Variants in UBIAD1 observed in about 807,000 individuals in gnomAD.
UBIAD1 encodes the protein ubiA prenyltransferase domain-containing protein 1.
A neutral mutation model predicts 20.1 loss-of-function variants in UBIAD1; 12 were observed. The observed-to-expected ratio is 0.60, with a 90% CI of 0.38 to 0.97. UBIAD1 has a LOEUF of 0.97. Among genes scored for constraint, UBIAD1 ranks in the 50% least tolerant of loss-of-function variants. The pLI is 0.00. For synonymous variants in UBIAD1, 207 were observed against 189.2 expected (o/e 1.09, Z -0.77); for missense variants, 333 against 419.5 (o/e 0.79, Z 1.80).
At chr1:11,280,165 T>G (rs904852602) in intron 1 of UBIAD1, among the ~76,000 whole-genome samples, 1 of 152,130 alleles carries the variant, frequency 6.6e-6, no homozygotes, top group Non-Finnish European at 1.5e-5. Context: ...CGGGGTGGAA[T>G]TGGAGTCTGA....
chr1:11,275,595 T>A (rs538314225), intron 1 of UBIAD1, among the ~76,000 whole-genome samples: 9 of 152,050 alleles, frequency 5.9e-5, no homozygotes, highest in African/African-American at 2.2e-4. Context: ...ATAAAAAATA[T>A]TAGCTGGGCA....
At chr1:11,278,463 TA>T (rs1314539048) in intron 1 of UBIAD1, among the ~76,000 whole-genome samples, 1 of 152,210 alleles carries the variant, frequency 6.6e-6, no homozygotes, top group Non-Finnish European at 1.5e-5. Context: ...GTACATATAT[TA>T]AATATATTCT....
At chr1:11,283,189 T>G (rs1367309093) in intron 1 of UBIAD1, among the ~76,000 whole-genome samples, 1 of 152,180 alleles carries the variant, frequency 6.6e-6, no homozygotes, top group Non-Finnish European at 1.5e-5. Flanking sequence ...CCGAGTGATC[T>G]AAGGAGGTGT....
In UBIAD1 at chr1:11,285,027, G is replaced by C. The variant is rs878989284; in HGVS notation, c.530-617G>C. Among the ~76,000 whole-genome samples the C allele has an allele frequency of 9.2e-5, 14 of 152,176 alleles. No homozygotes were observed. Among genetic ancestry groups the C allele is most frequent in the Admixed American group, 6.5e-4 (10 of 15,284 alleles). ...AGCAGGACAGAAACAGGAGGTAGGG[G>C]TGGTTTAGTTTCAATCTCATAGGAG... On this transcript the variant is annotated intron_variant, in intron 1 of 1. Transcript: ENST00000376810. This position sits in a 1 kb window ranked among gnomAD's most constrained non-coding sequence, Gnocchi z 4.4.
chr1:11,284,618 C>A (rs1465378699), intron 1 of UBIAD1, among the ~76,000 whole-genome samples: 1 of 152,164 alleles, frequency 6.6e-6, no homozygotes, highest in Non-Finnish European at 1.5e-5. Context: ...GCGTGTGCCA[C>A]ACGCTTGGCT....
At chr1:11,291,374 A>C (rs1638362924), downstream of UBIAD1, among the ~76,000 whole-genome samples, 1 of 152,114 alleles carries the variant, frequency 6.6e-6, no homozygotes, top group African/African-American at 2.4e-5. Context: ...TTGGGAGGTC[A>C]AGGTGGGTGG....
downstream of UBIAD1, among the ~76,000 whole-genome samples, chr1:11,297,983 G>A (rs1301222899): frequency 2.0e-5 from 3 of 150,498 alleles, no homozygotes; most frequent in Admixed American, 6.6e-5. Context: ...TTTTTGAGAC[G>A]AAGTTTTGCT....
At chr1:11,278,864 A>G (rs1652149406) in intron 1 of UBIAD1, 3 of 416,224 alleles carry the variant, frequency 7.2e-6, no homozygotes, top group African/African-American at 2.1e-5. Flanking sequence ...CAGGCTATAT[A>G]TTCTTTTTTT....
chr1:11,299,483 A>G (rs1036492012), downstream of UBIAD1, among the ~76,000 whole-genome samples: 6 of 152,024 alleles, frequency 3.9e-5, no homozygotes, highest in African/African-American at 1.4e-4. Context: ...CATTTTCAAC[A>G]CTTCTTTCTT....
At chr1:11,277,804 C>T (rs2101016794) in intron 1 of UBIAD1, among the ~76,000 whole-genome samples, 1 of 152,026 alleles carries the variant, frequency 6.6e-6, no homozygotes, top group East Asian at 1.9e-4. Context: ...GCCACCACGC[C>T]CTGCTAATTT....
rs184276487 is a variant in UBIAD1, at chr1:11,285,267, G to T, written c.530-377G>T. Among the ~76,000 whole-genome samples the T allele has an allele frequency of 6.6e-6, 1 of 152,320 alleles. No homozygotes were observed. Among genetic ancestry groups the T allele is most frequent in the East Asian group, 1.9e-4 (1 of 5,184 alleles). On this transcript the variant is annotated intron_variant, in intron 1 of 1. Transcript: ENST00000376810. This position sits in a 1 kb window ranked among gnomAD's most constrained non-coding sequence, Gnocchi z 4.4. ...ATCTCACGGGGTCTTGCAGGGGTTG[G>T]TGAAGGGTGAAAGATAGCAAAGAAC...
At chr1:11,296,337 C>G (rs956399855), downstream of UBIAD1, among the ~76,000 whole-genome samples, 3 of 152,152 alleles carry the variant, frequency 2.0e-5, no homozygotes, top group African/African-American at 7.2e-5. Flanking sequence ...GGCTCGATCA[C>G]TCACCCCCGG....
chr1:11,293,854 G>C (rs1638404569), intron 1 of UBIAD1, among the ~76,000 whole-genome samples: 1 of 152,022 alleles, frequency 6.6e-6, no homozygotes, highest in Non-Finnish European at 1.5e-5. Context: ...TTTTGTATTT[G>C]TAGTAGAAAC....
rs1281813690 is a variant in UBIAD1 at position 11,273,503 on chromosome 1, A to G, written c.-29A>G. 1 of 1,610,200 alleles carries G rather than the reference A, an allele frequency of 6.2e-7. No homozygotes were observed. The highest frequency in any genetic ancestry group is 8.5e-7 in the Non-Finnish European group (1 of 1,179,960). Reference sequence around the variant, plus strand: ...CGGTCACTGTGCGTGGCTCACTTTTAGAGTTTACTTCAACCACGTGGAGCT... The same window carrying G: ...CGGTCACTGTGCGTGGCTCACTTTTGGAGTTTACTTCAACCACGTGGAGCT... On this transcript the variant is annotated 5_prime_UTR_variant, in exon 1 of 2. Transcript: ENST00000376810. This position sits in a 1 kb window ranked among gnomAD's most constrained non-coding sequence, Gnocchi z 4.9.
intron 1 of UBIAD1, among the ~76,000 whole-genome samples, chr1:11,277,982 G>A (rs971659502): frequency 1.3e-5 from 2 of 151,956 alleles, no homozygotes; most frequent in Admixed American, 6.6e-5. Flanking sequence ...TTTGAGATGG[G>A]GGTCTTACTC....
chr1:11,284,224 T>C (rs1474442283), intron 1 of UBIAD1, among the ~76,000 whole-genome samples: 2 of 152,122 alleles, frequency 1.3e-5, no homozygotes, highest in African/African-American at 4.8e-5. Context: ...TGGGGAATGG[T>C]CTTTAAAGTC....
chr1:11,291,670 T>C (rs1638369400), downstream of UBIAD1, among the ~76,000 whole-genome samples: 1 of 151,924 alleles, frequency 6.6e-6, no homozygotes, highest in Non-Finnish European at 1.5e-5. Context: ...GCTTGCTTTC[T>C]ATATGCATGT....
chr1:11,286,082 A>G lies in UBIAD1; in HGVS notation c.968A>G (p.Tyr323Cys), dbSNP rs750318026. ...AKLNLLLGLFYVFGIILAPAG... is the reference protein window; with the variant it reads ...AKLNLLLGLFCVFGIILAPAG... ...CTCAACCTCCTGCTGGGACTTTTCT[A>G]TGTCTTTGGCATCATTCTGGCACCA... Residue 323 changes from tyrosine to cysteine, a missense_variant, in exon 2 of 2, where the codon TAT becomes TGT. Coordinates refer to ENST00000376810, the MANE Select transcript of UBIAD1 (RefSeq NM_013319.3). The G allele has an allele frequency of 1.2e-6, 2 of 1,613,978 alleles. No individual in the cohort carries two copies. The highest frequency in any genetic ancestry group is 1.3e-5 in the African/African-American group (1 of 74,882).
downstream of UBIAD1, among the ~76,000 whole-genome samples, chr1:11,292,458 G>A (rs942154982): frequency 6.6e-6 from 1 of 152,118 alleles, no homozygotes; most frequent in Non-Finnish European, 1.5e-5. Flanking sequence ...TCAGAGAGGC[G>A]TTGGATGAGA....
Sources: gnomAD v4.1 joint callset for allele counts (sites outside exome capture counted in the v4.1 genomes callset) on GRCh38, gnomAD v4.1.1 for gene constraint, Gnocchi (gnomAD v3.1) non-coding constraint, MANE v1.5 for transcripts, NCBI Gene and HGNC (gene_info 2026-07-23, HGNC 2026-07-21) for gene names.